Variants in DACH1 observed in about 807,000 individuals in gnomAD.
The protein encoded by DACH1 is dachshund homolog 1.
DACH1 carries 12 observed loss-of-function variants against 54.2 expected under a neutral mutation model. That is an observed-to-expected ratio of 0.22 (90% CI 0.14 to 0.36). The LOEUF (loss-of-function observed/expected upper bound fraction) is 0.36, where lower values mean the gene tolerates loss of function less well. Among genes scored for constraint, DACH1 ranks in the 10% least tolerant of loss-of-function variants. The pLI is 1.00. For synonymous variants in DACH1, 386 were observed against 366.2 expected (o/e 1.05, Z -0.62); for missense variants, 805 against 929.8 (o/e 0.87, Z 1.75).
In DACH1 at chr13:71,542,889, T is replaced by C. The variant is rs543023680; in HGVS notation, c.1570+14135A>G. ...ATTCAATTTAAACAATAAGTGAGCA[T>C]TTTCAGGAGATTAAAAGCTCAGCTA... is the stretch of plus-strand genomic sequence containing the variant. On this transcript the variant is annotated intron_variant, in intron 6 of 10. Transcript: ENST00000613252. Among the ~76,000 whole-genome samples, 8 of 152,262 alleles carry C rather than the reference T, an allele frequency of 5.3e-5. No homozygotes were observed. In the East Asian group the frequency reaches 1.5e-3, roughly 29 times the overall value.
intron 1 of DACH1, among the ~76,000 whole-genome samples, chr13:71,771,922 G>T (rs187085456): frequency 8.7e-5 from 13 of 149,586 alleles, no homozygotes; most frequent in Middle Eastern, 3.6e-3. Flanking sequence ...ATAATTAAAA[G>T]TCCAAGAGAA....
chr13:71,695,970 T>C (rs1594107175), intron 1 of DACH1, among the ~76,000 whole-genome samples: 1 of 152,184 alleles, frequency 6.6e-6, no homozygotes, highest in Non-Finnish European at 1.5e-5. Flanking sequence ...TGATAGTATG[T>C]GAAGTACAGT....
chr13:71,862,307 G>C (rs1874410847), intron 1 of DACH1, among the ~76,000 whole-genome samples: 1 of 151,972 alleles, frequency 6.6e-6, no homozygotes, highest in Non-Finnish European at 1.5e-5. Context: ...AAAGGGAACT[G>C]ACTTATACAA....
At chr13:71,487,039 C>T (rs929100104) in intron 7 of DACH1, among the ~76,000 whole-genome samples, 11 of 151,686 alleles carry the variant, frequency 7.3e-5, no homozygotes, top group Non-Finnish European at 1.2e-4. Context: ...TTAGTAGAGA[C>T]GGGGCTTCAT....
At chr13:71,506,934 A>T (rs573318618) in intron 6 of DACH1, among the ~76,000 whole-genome samples, 67 of 151,448 alleles carry the variant, frequency 4.4e-4, no homozygotes, top group Non-Finnish European at 7.7e-4. Flanking sequence ...TAAACGTTAG[A>T]CCTAAAACCA....
intron 1 of DACH1, among the ~76,000 whole-genome samples, chr13:71,770,243 C>G (rs1323777280): frequency 6.6e-6 from 1 of 151,600 alleles, no homozygotes; most frequent in African/African-American, 2.4e-5. Flanking sequence ...AGTCTTACTT[C>G]TTATCTTGTT....
At chr13:71,809,461 A>C (rs1887628973) in intron 1 of DACH1, among the ~76,000 whole-genome samples, 1 of 152,174 alleles carries the variant, frequency 6.6e-6, no homozygotes, top group Admixed American at 6.5e-5. Flanking sequence ...ATGAGCCACC[A>C]TGCCCAGCCT....
chr13:71,723,768 G>A (rs1358731370), intron 1 of DACH1, among the ~76,000 whole-genome samples: 1 of 152,100 alleles, frequency 6.6e-6, no homozygotes, highest in Non-Finnish European at 1.5e-5. Context: ...TTGGCTTACT[G>A]CAACTTCTGC....
intron 2 of DACH1, among the ~76,000 whole-genome samples, chr13:71,632,083 C>CA (rs1202577651): frequency 7.7e-6 from 1 of 129,400 alleles, no homozygotes; most frequent in Non-Finnish European, 1.6e-5. Flanking sequence ...GACTCTGTCC[C>CA]AAAAAAAGAA....
chr13:71,856,558 A>G (rs1442036855), intron 1 of DACH1, among the ~76,000 whole-genome samples: 3 of 151,986 alleles, frequency 2.0e-5, no homozygotes, highest in African/African-American at 7.2e-5. Flanking sequence ...ATTTATGTAA[A>G]TATCTAAATG....
At chr13:71,766,400 GC>G (rs1885630128) in intron 1 of DACH1, among the ~76,000 whole-genome samples, 1 of 152,074 alleles carries the variant, frequency 6.6e-6, no homozygotes, top group African/African-American at 2.4e-5. Flanking sequence ...TTTTTTTAAA[GC>G]AACCCAGTTT....
chr13:71,701,946 A>C (rs1051092126), intron 1 of DACH1, among the ~76,000 whole-genome samples: 2 of 152,138 alleles, frequency 1.3e-5, no homozygotes, highest in Non-Finnish European at 2.9e-5. Context: ...AAGTGTCATG[A>C]TACCAACTCC....
intron 1 of DACH1, among the ~76,000 whole-genome samples, chr13:71,847,074 C>A (rs1469935543): frequency 6.6e-6 from 1 of 152,040 alleles, no homozygotes; most frequent in Admixed American, 6.6e-5. Flanking sequence ...AAGGTAAAGA[C>A]AAAACCTCGG....
intron 3 of DACH1, among the ~76,000 whole-genome samples, chr13:71,598,551 C>A (rs886144434): frequency 5.3e-5 from 8 of 152,124 alleles, no homozygotes; most frequent in Non-Finnish European, 1.0e-4. Flanking sequence ...CTGCGCCCGG[C>A]CTGACGCTTA....
At chr13:71,859,234 T>C (rs760633195) in intron 1 of DACH1, among the ~76,000 whole-genome samples, 5 of 151,774 alleles carry the variant, frequency 3.3e-5, no homozygotes, top group African/African-American at 7.2e-5. Context: ...AATGCAGTCA[T>C]TGGCAAATTT....
chr13:71,745,873 C>T (rs1192123231), intron 1 of DACH1, among the ~76,000 whole-genome samples: 1 of 152,212 alleles, frequency 6.6e-6, no homozygotes, highest in South Asian at 2.1e-4. Flanking sequence ...GTTATCTATA[C>T]TTACTAAGAG....
At chr13:71,559,759 G>C in intron 5 of DACH1, 61 bp downstream of exon 5, 2 of 1,607,566 alleles carry the variant, frequency 1.2e-6, no homozygotes, top group Non-Finnish European at 1.7e-6. Flanking sequence ...ATGTTGATTA[G>C]AAAATCCAGC....
In DACH1 at chr13:71,866,560, G is replaced by A; in HGVS notation, c.210C>T (p.Val70=). Residue 70 remains valine (V), a synonymous_variant, in exon 1 of 11, where the codon GTC becomes GTT. Transcript: ENST00000613252. ...IASAAAAAAT[V]TSTGGGGGGG... ...CGCCGCCGCCGCCGCCGGTAGAGGT[G>A]ACTGTGGCCGCCGCCGCCGCCGCCG... 2 of 1,250,950 alleles carry A rather than the reference G, an allele frequency of 1.6e-6. No homozygotes were observed. The highest frequency in any genetic ancestry group is 3.9e-5 in the South Asian group (1 of 25,650). The allele number at this position is 1,250,950 out of a possible 1,614,324, so 77.5% of individuals were successfully genotyped here. A position where few individuals can be genotyped will look rare whatever the true frequency, so the allele number is the denominator to read the frequency against.
intron 1 of DACH1, among the ~76,000 whole-genome samples, chr13:71,834,865 G>T (rs1444445377): frequency 6.6e-6 from 1 of 152,042 alleles, no homozygotes. Context: ...CCACATATTT[G>T]TCGGCATTCT....
Sources: allele counts gnomAD v4.1 joint callset (sites outside exome capture counted in the v4.1 genomes callset), GRCh38; gene constraint gnomAD v4.1.1; transcripts MANE v1.5; gene names NCBI Gene and HGNC (gene_info 2026-07-23, HGNC 2026-07-21).